The following VWDE variants were observed in gnomAD, a reference collection of about 807,000 sequenced individuals.
VWDE encodes the protein von Willebrand factor D and EGF domain-containing protein.
A neutral mutation model predicts 178.4 loss-of-function variants in VWDE; 207 were observed. The ratio of observed to expected loss-of-function variants is 1.16; its 90% CI spans 1.04 to 1.30. VWDE has a LOEUF of 1.30. VWDE is among the 50% of genes most tolerant of loss of function. VWDE has a pLI of 0.00. For synonymous variants in VWDE, 738 were observed against 651.4 expected (o/e 1.13, Z -2.02); for missense variants, 2,287 against 1,901.3 (o/e 1.20, Z -3.77).
At chr7:12,402,155 T>G (rs1371951905) in intron 1 of VWDE, among the ~76,000 whole-genome samples, 1 of 152,208 alleles carries the variant, frequency 6.6e-6, no homozygotes, top group East Asian at 1.9e-4. Context: ...GGGAGGGTGA[T>G]AGCCGGCATG....
chr7:12,381,059 T>C (rs1490094430), intron 4 of VWDE, among the ~76,000 whole-genome samples: 1 of 152,146 alleles, frequency 6.6e-6, no homozygotes, highest in Non-Finnish European at 1.5e-5. Flanking sequence ...ACAAACAAAA[T>C]TAAGGTTTAG....
chr7:12,343,245 G>A, intron 21 of VWDE, 67 bp from the exon 22 acceptor site: 1 of 1,119,572 alleles, frequency 8.9e-7, no homozygotes, highest in Non-Finnish European at 1.3e-6. Flanking sequence ...TATTTATAAA[G>A]CACTGTCACA....
intron 18 of VWDE, among the ~76,000 whole-genome samples, chr7:12,353,135 C>G (rs12667317): frequency 0.88 from 133,948 of 151,820 alleles, 59,181 homozygotes; most frequent in Admixed American, 0.92. Context: ...CCACAGACTG[C>G]GGGGCTTAAA....
chr7:12,403,825 C>T lies in VWDE; in HGVS notation c.-109G>A. ...GCCTCCTTTCTTGGATTTTCTCAGTCTGTTGCTGCTTGGAACAGGGAAGCT... is the reference window on the plus strand; with the variant it reads ...GCCTCCTTTCTTGGATTTTCTCAGTTTGTTGCTGCTTGGAACAGGGAAGCT... On this transcript the variant is annotated 5_prime_UTR_variant, in exon 1 of 29. Transcript: ENST00000275358. 3 of 1,219,812 alleles carry T rather than the reference C, an allele frequency of 2.5e-6. No individual in the cohort carries two copies. Among genetic ancestry groups the T allele is most frequent in the Non-Finnish European group, 3.5e-6 (3 of 861,028 alleles). The allele number at this position is 1,219,812 out of a possible 1,614,324, so 75.6% of individuals were successfully genotyped here.
Position 12,370,427 on chromosome 7 carries a change from A to G in VWDE, c.1879T>C (p.Leu627=), listed in dbSNP as rs185211549. The change falls in exon 12 of 29, where the codon TTG becomes CTG. Residue 627 remains leucine (L), a synonymous_variant. Coordinates refer to ENST00000275358, the MANE Select transcript of VWDE (RefSeq NM_001135924.3). Reference sequence around the variant, plus strand: ...GAAGACGGATACGCTGCAGTGTCCAATGAACAGCTACAATAGGATGGCTTT... The same window carrying G: ...GAAGACGGATACGCTGCAGTGTCCAGTGAACAGCTACAATAGGATGGCTTT... ...PGKPSYCSCS[L]DTAAYPSSED... is the part of the protein sequence containing the mutation. 3.2e-6 allele frequency: 5 copies of G among 1,545,558 alleles called. No homozygotes were observed. Among genetic ancestry groups the G allele is most frequent in the African/African-American group, 1.4e-5 (1 of 73,154 alleles).
At chr7:12,359,731 AGCGTGT>A (rs1583302229) in intron 15 of VWDE, 39 bp from the exon 16 acceptor site, 1 of 1,293,186 alleles carries the variant, frequency 7.7e-7, no homozygotes, top group African/African-American at 1.5e-5. Flanking sequence ...ATCAAAGTAC[AGCGTGT>A]AGAAAAAAAA....
chr7:12,376,326 A>C (rs1783526684), intron 7 of VWDE, among the ~76,000 whole-genome samples: 1 of 152,066 alleles, frequency 6.6e-6, no homozygotes, highest in Non-Finnish European at 1.5e-5. Context: ...ATGAAAGTAA[A>C]GATTTAATGC....
chr7:12,357,241 C>A, intron 17 of VWDE, 24 bp downstream of exon 17: 4 of 1,544,828 alleles, frequency 2.6e-6, no homozygotes, highest in Non-Finnish European at 3.5e-6. Flanking sequence ...AATCCAGTGG[C>A]ACTTATGTAA....
chr7:12,392,159 T>G (rs556393021), intron 2 of VWDE, among the ~76,000 whole-genome samples: 3 of 152,222 alleles, frequency 2.0e-5, no homozygotes, highest in African/African-American at 7.2e-5. Flanking sequence ...ATGTGACTCA[T>G]GCTTAGTGTC....
At chr7:12,395,290 G>T (rs1281570900) in intron 1 of VWDE, among the ~76,000 whole-genome samples, 1 of 152,040 alleles carries the variant, frequency 6.6e-6, no homozygotes, top group Non-Finnish European at 1.5e-5. Flanking sequence ...CAAGGACATT[G>T]CACCTGGTTA....
intron 17 of VWDE, 115 bp downstream of exon 17, chr7:12,357,150 G>T: frequency 1.5e-6 from 2 of 1,321,912 alleles, no homozygotes; most frequent in Non-Finnish European, 2.0e-6. Context: ...TCCATACAAT[G>T]TTTAATAACT....
Position 12,370,119 on chromosome 7 carries a change from C to T in VWDE, c.2187G>A (p.Lys729=). The T allele has an allele frequency of 6.4e-7, 1 of 1,551,534 alleles. No homozygotes were observed. ...KEDSLQYLAN[K]KYTQGRGSHS... Reference sequence around the variant, plus strand: ...GGCTTCCCCGGCCTTGTGTATATTTCTTATTGGCCAAATATTGTAGTGAAT... The same window carrying T: ...GGCTTCCCCGGCCTTGTGTATATTTTTTATTGGCCAAATATTGTAGTGAAT... Residue 729 remains lysine (K), a synonymous_variant, in exon 12 of 29, where the codon AAG becomes AAA. Transcript: ENST00000275358.
chr7:12,359,277 G>A (rs1782441649), intron 16 of VWDE, among the ~76,000 whole-genome samples: 1 of 152,112 alleles, frequency 6.6e-6, no homozygotes, highest in Non-Finnish European at 1.5e-5. Flanking sequence ...TGAATCCATG[G>A]CCTTTGAGCT....
intron 12 of VWDE, among the ~76,000 whole-genome samples, chr7:12,368,635 G>C (rs1031500709): frequency 1.3e-5 from 2 of 152,132 alleles, no homozygotes. Flanking sequence ...GGTAGGGATT[G>C]TGGACTTTAC....
At chr7:12,334,880 C>G (rs1780928639) in intron 27 of VWDE, among the ~76,000 whole-genome samples, 1 of 152,090 alleles carries the variant, frequency 6.6e-6, no homozygotes, top group Admixed American at 6.6e-5. Flanking sequence ...TTTTTTCTAG[C>G]ATTTTATCAC....
intron 7 of VWDE, among the ~76,000 whole-genome samples, chr7:12,376,738 A>C (rs996913453): frequency 6.6e-6 from 1 of 152,096 alleles, no homozygotes; most frequent in Admixed American, 6.6e-5. Flanking sequence ...GTAATTAAAA[A>C]TACAATGTTG....
Position 12,331,307 on chromosome 7 carries a change from G to C in VWDE, c.4759-110C>G, listed in dbSNP as rs564896058. The stretch of plus-strand genomic sequence containing the variant: ...CTGACATGATACGTAAAGCTCTTTT[G>C]GTTCTGTTTGCCACTAGACTCAATA... On this transcript the variant is annotated intron_variant, in intron 28 of 28. Transcript: ENST00000275358. 2.6e-5 allele frequency: 22 copies of C among 838,258 alleles called. No homozygotes were observed. The East Asian group carries it at 4.8e-4, about 18-fold the overall frequency. The allele number at this position is 838,258 out of a possible 1,614,324, so 51.9% of individuals were successfully genotyped here. A position where few individuals can be genotyped will look rare whatever the true frequency, so the allele number is the denominator to read the frequency against.
intron 19 of VWDE, among the ~76,000 whole-genome samples, chr7:12,350,947 CAAGA>C (rs1377453705): frequency 6.6e-6 from 1 of 152,044 alleles, no homozygotes; most frequent in Non-Finnish European, 1.5e-5. Context: ...CCTGTAAAAT[CAAGA>C]AAGAGAATCC....
chr7:12,396,966 C>G (rs983917914), intron 1 of VWDE, among the ~76,000 whole-genome samples: 3 of 151,408 alleles, frequency 2.0e-5, no homozygotes, highest in African/African-American at 7.3e-5. Flanking sequence ...AAAAAAGAAT[C>G]AATGTCATAA....
Sources: gnomAD v4.1 joint callset for allele counts (sites outside exome capture counted in the v4.1 genomes callset) on GRCh38, gnomAD v4.1.1 for gene constraint, MANE v1.5 for transcripts, NCBI Gene and HGNC (gene_info 2026-07-23, HGNC 2026-07-21) for gene names.